The following EYS variants were observed in gnomAD, a reference collection of about 807,000 sequenced individuals.
The protein encoded by EYS is EGF-like photoreceptor maintenance factor, also known as protein eyes shut homolog.
In EYS, 250 loss-of-function variants were observed where a neutral mutation model predicts 282.1. The ratio of observed to expected loss-of-function variants is 0.89; its 90% CI spans 0.80 to 0.98. The LOEUF is 0.98. Ranked by LOEUF, EYS falls within the 50% of genes least tolerant of loss-of-function variation. EYS has a pLI of 0.00. For missense variants in EYS, 4,016 were observed against 3,709.0 expected (o/e 1.08, Z -2.15); for synonymous variants, 1,355 against 1,282.9 (o/e 1.06, Z -1.20).
chr6:64,859,944 C>T (rs1452040539), intron 19 of EYS, among the ~76,000 whole-genome samples: 7 of 152,156 alleles, frequency 4.6e-5, no homozygotes, highest in Admixed American at 2.6e-4. Flanking sequence ...TTTTATATCT[C>T]TTCTATCATT....
intron 31 of EYS, among the ~76,000 whole-genome samples, chr6:64,139,068 T>A (rs972800330): frequency 2.4e-4 from 37 of 151,894 alleles, no homozygotes; most frequent in African/African-American, 9.0e-4. Context: ...TTCCAGGAAA[T>A]AAAACAGGTA....
intron 31 of EYS, among the ~76,000 whole-genome samples, chr6:64,144,349 T>C (rs1774441081): frequency 6.6e-6 from 1 of 152,212 alleles, no homozygotes; most frequent in Admixed American, 6.6e-5. Flanking sequence ...TAGAAATATT[T>C]AACATGTTCT....
chr6:64,708,624 A>C (rs531616748), intron 22 of EYS, among the ~76,000 whole-genome samples: 1 of 152,110 alleles, frequency 6.6e-6, no homozygotes, highest in African/African-American at 2.4e-5. Flanking sequence ...CTATTTGGGA[A>C]AAAAAAAGTC....
chr6:64,285,860 C>T (rs187318357), intron 30 of EYS, among the ~76,000 whole-genome samples: 10 of 152,134 alleles, frequency 6.6e-5, no homozygotes, highest in East Asian at 1.9e-4. Flanking sequence ...TGGGGGAAAC[C>T]GCCCCATGAT....
chr6:64,546,793 C>T (rs1764888448), intron 26 of EYS, among the ~76,000 whole-genome samples: 1 of 152,160 alleles, frequency 6.6e-6, no homozygotes, highest in Non-Finnish European at 1.5e-5. Flanking sequence ...CACTGGCCAT[C>T]AGAGAAATGC....
At chr6:64,982,898 C>T (rs1255620984) in intron 14 of EYS, among the ~76,000 whole-genome samples, 1 of 151,052 alleles carries the variant, frequency 6.6e-6, no homozygotes, top group Non-Finnish European at 1.5e-5. Context: ...TGTACAGAAT[C>T]GTTACCCTTC....
chr6:65,036,512 C>T (rs1772776322), intron 13 of EYS, among the ~76,000 whole-genome samples: 1 of 151,172 alleles, frequency 6.6e-6, no homozygotes, highest in South Asian at 2.1e-4. Flanking sequence ...AACTTTCAAC[C>T]AGATAAACAG....
chr6:65,352,633 A>T (rs2055505), intron 9 of EYS, among the ~76,000 whole-genome samples: 102,211 of 151,568 alleles, frequency 0.67, 34,559 homozygotes, highest in South Asian at 0.72. Context: ...CAATTCATAA[A>T]CAAGATCTTC....
chr6:65,350,682 C>G (rs1770565591), intron 9 of EYS, among the ~76,000 whole-genome samples: 1 of 151,610 alleles, frequency 6.6e-6, no homozygotes, highest in South Asian at 2.1e-4. Context: ...CTGTCAGTAG[C>G]TCTTTTCCTC....
rs147871557 is a variant in EYS at position 64,416,869 on chromosome 6, A to G, written c.5927+19305T>C. Among the ~76,000 whole-genome samples the G allele has an allele frequency of 7.9e-3, 1,206 of 152,302 alleles. 12 individuals are homozygous for G. Among genetic ancestry groups the G allele is most frequent in the Middle Eastern group, 0.034 (10 of 294 alleles). On this transcript the variant is annotated intron_variant, in intron 28 of 42. Transcript: ENST00000503581. ...TTGATAACCTAATAATAATCTTATT[A>G]GCTAACATTTATTAAGTGATACTAA...
chr6:65,133,494 T>C (rs1775939172), intron 12 of EYS, among the ~76,000 whole-genome samples: 1 of 152,014 alleles, frequency 6.6e-6, no homozygotes, highest in Non-Finnish European at 1.5e-5. Context: ...AACCACCTGA[T>C]GTTCTACAAA....
chr6:65,663,131 T>C (rs1768062291), intron 1 of EYS, among the ~76,000 whole-genome samples: 1 of 152,248 alleles, frequency 6.6e-6, no homozygotes, highest in Admixed American at 6.5e-5. Context: ...ATGTTTCTTA[T>C]GCTCTTATAT....
chr6:64,324,274 T>C (rs1345740819), intron 29 of EYS, among the ~76,000 whole-genome samples: 2 of 152,128 alleles, frequency 1.3e-5, no homozygotes, highest in African/African-American at 4.8e-5. Flanking sequence ...GATCAAAAAG[T>C]TAATTCACCA....
At chr6:64,803,570 C>CA (rs1259948492) in intron 22 of EYS, among the ~76,000 whole-genome samples, 2 of 152,190 alleles carry the variant, frequency 1.3e-5, no homozygotes, top group African/African-American at 2.4e-5. Flanking sequence ...CCTTTCTGCC[C>CA]AGGAGCCTGT....
rs558583750 is a variant in EYS at position 64,855,154 on chromosome 6, C to T, written c.2992+31543G>A. On this transcript the variant is annotated intron_variant, in intron 19 of 42. Transcript: ENST00000503581. ...CACTCTGTCTCTCCCCCATCCCCCACCGCGTTTGTGTGTGTGTATCTGTAT... is the reference window on the plus strand; with the variant it reads ...CACTCTGTCTCTCCCCCATCCCCCATCGCGTTTGTGTGTGTGTATCTGTAT... Among the ~76,000 whole-genome samples, 6 of 151,842 alleles carry T rather than the reference C, an allele frequency of 4.0e-5. No homozygotes were observed. The East Asian group carries it at 9.7e-4, about 24-fold the overall frequency.
chr6:63,768,051 C>T (rs1277104006), intron 40 of EYS, among the ~76,000 whole-genome samples: 5 of 151,362 alleles, frequency 3.3e-5, no homozygotes, highest in African/African-American at 9.7e-5. Flanking sequence ...GACCCCTTCC[C>T]TTCATTATAT....
chr6:65,298,093 T>C (rs1287864348), intron 11 of EYS, among the ~76,000 whole-genome samples: 1 of 152,054 alleles, frequency 6.6e-6, no homozygotes, highest in African/African-American at 2.4e-5. Context: ...GGATATCCTG[T>C]ACAAGAATAC....
intron 22 of EYS, among the ~76,000 whole-genome samples, chr6:64,744,741 A>AT (rs1772497249): frequency 6.6e-6 from 1 of 152,178 alleles, no homozygotes; most frequent in Non-Finnish European, 1.5e-5. Context: ...ATAAAATATG[A>AT]TTGAGAAATT....
chr6:64,233,503 A>G (rs1005523222), intron 30 of EYS, among the ~76,000 whole-genome samples: 3 of 152,222 alleles, frequency 2.0e-5, no homozygotes, highest in African/African-American at 7.2e-5. Flanking sequence ...GTGGAGGTTT[A>G]TTAAACATAA....
Sources: allele counts gnomAD v4.1 joint callset (sites outside exome capture counted in the v4.1 genomes callset), GRCh38; gene constraint gnomAD v4.1.1; transcripts MANE v1.5; gene names NCBI Gene and HGNC (gene_info 2026-07-23, HGNC 2026-07-21).